Variants in ARHGAP39 observed in about 807,000 individuals in gnomAD.
The protein encoded by ARHGAP39 is Rho GTPase activating protein 39.
Under a neutral mutation model 106.9 loss-of-function variants are expected in ARHGAP39, and 44 were observed. The ratio of observed to expected loss-of-function variants is 0.41; its 90% CI spans 0.32 to 0.53. ARHGAP39 has a LOEUF of 0.53. Among genes scored for constraint, ARHGAP39 ranks in the 20% least tolerant of loss-of-function variants. ARHGAP39 has a pLI of 0.21. For synonymous variants in ARHGAP39, 768 were observed against 693.2 expected (o/e 1.11, Z -1.69); for missense variants, 1,496 against 1,577.3 (o/e 0.95, Z 0.87).
chr8:144,590,243 CT>C (rs1306892927), intron 2 of ARHGAP39, among the ~76,000 whole-genome samples: 1 of 152,228 alleles, frequency 6.6e-6, no homozygotes, highest in Non-Finnish European at 1.5e-5. Context: ...CTCTGGTGAC[CT>C]TGTATAGTGG....
chr8:144,634,907 G>A (rs1349834081), intron 1 of ARHGAP39, among the ~76,000 whole-genome samples: 1 of 152,194 alleles, frequency 6.6e-6, no homozygotes, highest in African/African-American at 2.4e-5. Context: ...CTGTGCGGGT[G>A]TAGTCTCCAC....
At chr8:144,638,491 T>C (rs1279834398) in intron 1 of ARHGAP39, among the ~76,000 whole-genome samples, 1 of 152,240 alleles carries the variant, frequency 6.6e-6, no homozygotes, top group Non-Finnish European at 1.5e-5. Context: ...AAATGTATCT[T>C]AAACTTTTGC....
At chr8:144,600,279 C>G (rs1331303719) in intron 2 of ARHGAP39, among the ~76,000 whole-genome samples, 1 of 145,786 alleles carries the variant, frequency 6.9e-6, no homozygotes, top group South Asian at 2.2e-4. Context: ...TCTGTGTGCT[C>G]CTGTACCCAC....
intron 6 of ARHGAP39, among the ~76,000 whole-genome samples, chr8:144,539,909 TGTCA>T (rs963102671): frequency 1.3e-5 from 2 of 152,226 alleles, no homozygotes; most frequent in Non-Finnish European, 2.9e-5. Flanking sequence ...AGAATCAGCC[TGTCA>T]ATTTCTAAAA....
chr8:144,559,125 G>A (rs922727793), intron 3 of ARHGAP39, among the ~76,000 whole-genome samples: 19 of 151,804 alleles, frequency 1.3e-4, no homozygotes, highest in Admixed American at 3.3e-4. Context: ...GGAGAATGGC[G>A]TGAACCCAGG....
intron 1 of ARHGAP39, among the ~76,000 whole-genome samples, chr8:144,642,668 T>C (rs1821342208): frequency 6.6e-6 from 1 of 152,092 alleles, no homozygotes; most frequent in African/African-American, 2.4e-5. Flanking sequence ...CTCATGACTG[T>C]GAATAAGTGT....
At chr8:144,558,018 C>T (rs1191027073) in intron 3 of ARHGAP39, among the ~76,000 whole-genome samples, 2 of 152,234 alleles carry the variant, frequency 1.3e-5, no homozygotes, top group Admixed American at 6.5e-5. Context: ...ACCTCACTTA[C>T]GTACCACCTG....
intron 1 of ARHGAP39, among the ~76,000 whole-genome samples, chr8:144,668,704 G>A (rs917737715): frequency 3.9e-5 from 6 of 152,070 alleles, no homozygotes; most frequent in Non-Finnish European, 7.4e-5. Flanking sequence ...TGAAATGAAA[G>A]ACAACATTAG....
intron 4 of ARHGAP39, among the ~76,000 whole-genome samples, chr8:144,552,521 C>T (rs771561030): frequency 1.2e-4 from 18 of 152,248 alleles, no homozygotes; most frequent in Non-Finnish European, 2.2e-4. Context: ...GCTTGAAAAA[C>T]AACTTCACTC....
At chr8:144,559,354 CAAAAAAAAAAAAAAAAA>C (rs59435627) in intron 3 of ARHGAP39, among the ~76,000 whole-genome samples, 5 of 42,896 alleles carry the variant, frequency 1.2e-4, no homozygotes, top group African/African-American at 2.3e-4. Context: ...ACTTTGTCTC[CAAAAAAAAAAAAAAAAA>C]AAAAAAAAAA....
Position 144,679,199 on chromosome 8 carries a change from C to A in ARHGAP39, c.-82+6487G>T, listed in dbSNP as rs948319103. 5.3e-5 allele frequency among the ~76,000 whole-genome samples: 8 copies of A among 152,200 alleles called. No individual in the cohort carries two copies. Among genetic ancestry groups the A allele is most frequent in the African/African-American group, 1.9e-4 (8 of 41,464 alleles). ...GCTGAGGGGAGACATCCAGCTGCACCTTCAGTCATGGTGAGATGGCCCAGA... is the reference window on the plus strand; with the variant it reads ...GCTGAGGGGAGACATCCAGCTGCACATTCAGTCATGGTGAGATGGCCCAGA... On this transcript the variant is annotated intron_variant, in intron 1 of 11. Transcript: ENST00000377307. This position sits in a 1 kb window ranked among gnomAD's most constrained non-coding sequence, Gnocchi z 4.7.
chr8:144,655,775 C>T (rs755878446), intron 1 of ARHGAP39, among the ~76,000 whole-genome samples: 13 of 152,096 alleles, frequency 8.5e-5, no homozygotes, highest in South Asian at 4.1e-4. Context: ...CACTAGCCAC[C>T]GAGGTTTCTG....
At chr8:144,660,597 A>C (rs1821798106) in intron 1 of ARHGAP39, among the ~76,000 whole-genome samples, 1 of 152,214 alleles carries the variant, frequency 6.6e-6, no homozygotes, top group African/African-American at 2.4e-5. Context: ...AGCAGGCTCT[A>C]GAAAACACTT....
intron 1 of ARHGAP39, among the ~76,000 whole-genome samples, chr8:144,658,844 T>G (rs761712175): frequency 3.9e-5 from 6 of 152,124 alleles, no homozygotes; most frequent in Non-Finnish European, 8.8e-5. Flanking sequence ...TGTAAAAAAA[T>G]TAAAACATTA....
At chr8:144,633,706 AG>A (rs577980121) in intron 1 of ARHGAP39, among the ~76,000 whole-genome samples, 34 of 152,254 alleles carry the variant, frequency 2.2e-4, no homozygotes, top group Admixed American at 9.2e-4. Context: ...GAATTTTAAT[AG>A]ATAGAGTCTT....
intron 1 of ARHGAP39, among the ~76,000 whole-genome samples, chr8:144,658,157 T>C (rs550102529): frequency 4.6e-5 from 7 of 152,294 alleles, no homozygotes; most frequent in Admixed American, 1.3e-4. Context: ...TTGCCCAGGC[T>C]GGAGTGAAAT....
chr8:144,560,038 T>G (rs935588643), intron 3 of ARHGAP39, among the ~76,000 whole-genome samples: 16 of 152,270 alleles, frequency 1.1e-4, no homozygotes, highest in Non-Finnish European at 1.5e-5. Context: ...TACAAGTGTT[T>G]ATTTTCTTTT....
At position 144,548,046 on chromosome 8, in the gene ARHGAP39, C is replaced by T. The variant is rs367945395; in HGVS notation, c.1040G>A (p.Arg347Gln). ...CGGCCGGGGCTTACGGCCCGGCGAC[C>T]GCTGGGGAGAGCCGGCCTGGTAGCC... Reference protein sequence around the residue: ...GGGYQAGSPQRSPGRKPRPFL... With the variant: ...GGGYQAGSPQQSPGRKPRPFL... Residue 347 changes from arginine (R) to glutamine (Q), a missense_variant, in exon 5 of 12, where the codon CGG becomes CAG. Transcript: ENST00000377307. The surrounding 1 kb of genome is among the most constrained non-coding windows in gnomAD (Gnocchi z 7.4). The T allele has an allele frequency of 9.7e-5, 155 of 1,600,762 alleles. No homozygotes were observed. Among genetic ancestry groups the T allele is most frequent in the Non-Finnish European group, 1.3e-4 (150 of 1,174,832 alleles).
chr8:144,569,594 C>T (rs983691323), intron 3 of ARHGAP39, among the ~76,000 whole-genome samples: 3 of 152,124 alleles, frequency 2.0e-5, no homozygotes, highest in Admixed American at 2.0e-4. Flanking sequence ...TATAGTGAAG[C>T]AGGTAGACGA....
Sources: gnomAD v4.1 joint callset for allele counts (sites outside exome capture counted in the v4.1 genomes callset) on GRCh38, gnomAD v4.1.1 for gene constraint, Gnocchi (gnomAD v3.1) non-coding constraint, MANE v1.5 for transcripts, NCBI Gene and HGNC (gene_info 2026-07-23, HGNC 2026-07-21) for gene names.